Variants in GPR143 observed in about 807,000 individuals in gnomAD.
The protein encoded by GPR143 is G-protein coupled receptor 143.
Under a neutral mutation model 27.6 loss-of-function variants are expected in GPR143, and 8 were observed. The observed-to-expected ratio is 0.29, with a 90% CI of 0.17 to 0.52. GPR143 has a LOEUF of 0.52. Ranked by LOEUF, GPR143 falls within the 20% of genes least tolerant of loss-of-function variation. GPR143 has a pLI of 0.96. For missense variants in GPR143, 303 were observed against 343.1 expected (o/e 0.88, Z 0.92); for synonymous variants, 156 against 153.2 (o/e 1.02, Z -0.13).
At chrX:9,739,432 A>G in intron 8 of GPR143, 53 bp downstream of exon 8, 2 of 896,751 alleles carry the variant, frequency 2.2e-6, no homozygotes, top group Non-Finnish European at 3.2e-6. Context: ...AAGGCTTTCC[A>G]AGGGGAGCCC....
intron 4 of GPR143, chrX:9,747,916 CACAG>C (rs1459269158): frequency 8.8e-6 from 1 of 113,201 alleles, no homozygotes; most frequent in East Asian, 2.8e-4. Flanking sequence ...GTATAAAAAT[CACAG>C]ACAAAGACAC....
intron 3 of GPR143, among the ~76,000 whole-genome samples, chrX:9,751,659 G>A (rs1271288024): frequency 5.3e-5 from 6 of 112,376 alleles, no homozygotes; most frequent in Non-Finnish European, 1.1e-4. Context: ...TTCTTTTTGG[G>A]ATGGTAGAAA....
At chrX:9,728,540 G>T (rs886121243) in intron 8 of GPR143, among the ~76,000 whole-genome samples, 1 of 104,492 alleles carries the variant, frequency 9.6e-6, no homozygotes, top group Non-Finnish European at 2.0e-5. Flanking sequence ...GTGTGGGCTG[G>T]GCACGATGGC....
intron 1 of GPR143, among the ~76,000 whole-genome samples, chrX:9,762,917 C>T (rs2083509652): frequency 9.0e-6 from 1 of 111,232 alleles, no homozygotes. Flanking sequence ...AAGTATTATT[C>T]ACTAACCCTC....
intron 8 of GPR143, among the ~76,000 whole-genome samples, chrX:9,736,744 T>TA (rs2083381039): frequency 1.8e-5 from 2 of 112,481 alleles, no homozygotes; most frequent in South Asian, 3.7e-4. Flanking sequence ...CTTCCCACAA[T>TA]AAAAAAATAC....
At chrX:9,732,120 TAAGAG>T (rs1261165238) in intron 8 of GPR143, among the ~76,000 whole-genome samples, 3 of 111,653 alleles carry the variant, frequency 2.7e-5, no homozygotes, top group Non-Finnish European at 5.6e-5. Context: ...AATGGGGACT[TAAGAG>T]AGAAACGGAA....
intron 3 of GPR143, among the ~76,000 whole-genome samples, chrX:9,753,146 C>T (rs1162917340): frequency 9.0e-6 from 1 of 110,798 alleles, no homozygotes; most frequent in Non-Finnish European, 1.9e-5. Flanking sequence ...GAGGCCAAGG[C>T]GGGTGGATCA....
rs925889440 is a variant in GPR143, at chrX:9,765,643, A to C, written c.175T>G (p.Ser59Ala). ...GAGGCCGGCGGGGACGTCGCGGGGG[A>C]CCCGGGGCCCGCGGGCCGGCGGCCG... ...LPGRRPAGPG[S>A]PATSPPASVR... The change falls in exon 1 of 9, where the codon TCC becomes GCC. Residue 59 changes from serine to alanine, a missense_variant. Coordinates refer to ENST00000467482, the MANE Select transcript of GPR143 (RefSeq NM_000273.3). 5 of 976,777 alleles carry C rather than the reference A, an allele frequency of 5.1e-6. No homozygotes were observed. Among genetic ancestry groups the C allele is most frequent in the East Asian group, 4.2e-5 (1 of 23,594 alleles). 80.5% of individuals were successfully genotyped at this position (976,777 alleles called of 1,213,427 possible). A position where few individuals can be genotyped will look rare whatever the true frequency, so the allele number is the denominator to read the frequency against.
chrX:9,749,257 C>T (rs968926271), intron 3 of GPR143, among the ~76,000 whole-genome samples: 1 of 100,944 alleles, frequency 9.9e-6, no homozygotes, highest in African/African-American at 3.7e-5. Flanking sequence ...CCCCCAATCG[C>T]TCGGCTGCCT....
upstream of GPR143, among the ~76,000 whole-genome samples, chrX:9,769,676 G>C (rs893722669): frequency 2.3e-4 from 26 of 111,393 alleles, no homozygotes; most frequent in African/African-American, 7.8e-4. Flanking sequence ...CTGCCTCCCG[G>C]GTTCAAGTGA....
chrX:9,755,017 A>G lies in GPR143; in HGVS notation c.455+4315T>C, dbSNP rs537874559. ...CACTGCTGATTACCTACTCAAAGCC[A>G]TATTTCCTTTTTCCCTCAGTAACAT... is the stretch of plus-strand genomic sequence containing the variant. On this transcript the variant is annotated intron_variant, in intron 3 of 8. Transcript: ENST00000467482. Among the ~76,000 whole-genome samples, 46 of 111,699 alleles carry G rather than the reference A, an allele frequency of 4.1e-4. 1 individual carries two copies. In the South Asian group the frequency reaches 0.017, roughly 40 times the overall value.
chrX:9,773,923 A>G (rs1420164058), intron 1 of GPR143, among the ~76,000 whole-genome samples: 1 of 111,453 alleles, frequency 9.0e-6, no homozygotes, highest in Non-Finnish European at 1.9e-5. Flanking sequence ...GCCAAATTGA[A>G]CTTAGAAAAA....
intron 1 of GPR143, among the ~76,000 whole-genome samples, chrX:9,773,480 TACACACACACACACAC>T (rs57491053): frequency 1.9e-5 from 2 of 102,738 alleles, no homozygotes; most frequent in South Asian, 8.8e-4. Context: ...GCTTTGAAAG[TACACACACACACACAC>T]ACACACACAC....
upstream of GPR143, among the ~76,000 whole-genome samples, chrX:9,767,793 A>G (rs191170497): frequency 3.0e-4 from 34 of 112,677 alleles, no homozygotes; most frequent in African/African-American, 1.0e-3. Flanking sequence ...TTGAATTCTA[A>G]TATCTAATTT....
intron 3 of GPR143, among the ~76,000 whole-genome samples, chrX:9,757,444 C>T (rs1419150310): frequency 8.9e-6 from 1 of 112,439 alleles, no homozygotes; most frequent in Admixed American, 9.4e-5. Flanking sequence ...AGACATGTGA[C>T]AACACGGATA....
intron 5 of GPR143, among the ~76,000 whole-genome samples, chrX:9,745,632 T>C (rs748679598): frequency 8.9e-6 from 1 of 112,115 alleles, no homozygotes; most frequent in African/African-American, 3.2e-5. Context: ...TTCCTGCCCA[T>C]CTGAGAAAAA....
intron 3 of GPR143, among the ~76,000 whole-genome samples, chrX:9,751,727 A>G (rs2083452235): frequency 8.9e-6 from 1 of 112,566 alleles, no homozygotes; most frequent in Non-Finnish European, 1.9e-5. Flanking sequence ...GATGGCACTA[A>G]AAGCCACTGA....
Position 9,725,809 on chromosome X carries a change from A to T in GPR143, c.1152T>A (p.Thr384=). 8.3e-7 allele frequency: 1 copy of T among 1,209,589 alleles called. No homozygotes were observed. Among genetic ancestry groups the T allele is most frequent in the African/African-American group, 1.7e-5 (1 of 57,533 alleles). The change falls in exon 9 of 9, where the codon ACT becomes ACA. Residue 384 remains threonine, a synonymous_variant. Transcript: ENST00000467482. ...CATTTTTGTTGCAGGATTCACTTGC[A>T]GTGTGAATTTCAATTGTGCTGGCAT... The part of the protein sequence containing the change: ...GSDASTIEIH[T]ASESCNKNEG...
intron 6 of GPR143, 135 bp from the exon 7 acceptor site, chrX:9,741,590 G>A: frequency 4.4e-6 from 2 of 457,808 alleles, no homozygotes; most frequent in Non-Finnish European, 4.0e-6. Context: ...CACTTCTGCA[G>A]TAAGAAACTA....
Sources: allele counts gnomAD v4.1 joint callset (sites outside exome capture counted in the v4.1 genomes callset), GRCh38; gene constraint gnomAD v4.1.1; transcripts MANE v1.5; gene names NCBI Gene and HGNC (gene_info 2026-07-23, HGNC 2026-07-21).